Variants in LRRC37A2 observed in about 807,000 individuals in gnomAD.
LRRC37A2 encodes leucine rich repeat containing 37 member A2, also known as leucine-rich repeat-containing protein 37A2.
Under a neutral mutation model 68.8 loss-of-function variants are expected in LRRC37A2, and 9 were observed. The ratio of observed to expected loss-of-function variants is 0.13; its 90% CI spans 0.08 to 0.23. LRRC37A2 has a LOEUF of 0.23. Ranked by LOEUF, LRRC37A2 falls within the 10% of genes least tolerant of loss-of-function variation. The probability of loss-of-function intolerance (pLI) is 1.00; values close to 1 mark genes in which losing one functional copy is unlikely to be tolerated. For synonymous variants in LRRC37A2, 63 were observed against 367.6 expected (o/e 0.17, Z 9.48); for missense variants, 168 against 950.4 (o/e 0.18, Z 10.82).
chr17:46,923,023 C>T, the LRRC37A2 span: 9 of 647,578 alleles, frequency 1.4e-5, no homozygotes, highest in Non-Finnish European at 2.5e-5. Flanking sequence ...CTCATTTCTC[C>T]TTCCCCTTCT....
the LRRC37A2 span, chr17:46,773,842 C>G: frequency 6.2e-7 from 1 of 1,613,200 alleles, no homozygotes; most frequent in Non-Finnish European, 8.5e-7. Flanking sequence ...GGGACCAGGC[C>G]TGGGATGGAG....
the LRRC37A2 span, chr17:46,923,232 G>C: frequency 6.4e-7 from 1 of 1,551,142 alleles, no homozygotes; most frequent in Non-Finnish European, 8.7e-7. Flanking sequence ...GTGAGGGCCG[G>C]TCGGGGAGCG....
chr17:46,601,915 G>A, the LRRC37A2 span, among the ~76,000 whole-genome samples: 1 of 147,264 alleles, frequency 6.8e-6, no homozygotes, highest in African/African-American at 2.6e-5. Context: ...CTGGCATGGT[G>A]GCTCACACCT....
chr17:46,986,644 G>T, the LRRC37A2 span, among the ~76,000 whole-genome samples: 1 of 152,218 alleles, frequency 6.6e-6, no homozygotes, highest in Non-Finnish European at 1.5e-5. Context: ...GGGTGGGTTG[G>T]TGGTTCCCTA....
At chr17:46,672,101 A>T in the LRRC37A2 span, among the ~76,000 whole-genome samples, 1 of 73,898 alleles carries the variant, frequency 1.4e-5, no homozygotes, top group Non-Finnish European at 3.1e-5. Flanking sequence ...TGAATAGTTT[A>T]CAGTCTTATA....
chr17:46,790,965 T>C, the LRRC37A2 span, among the ~76,000 whole-genome samples: 1 of 152,228 alleles, frequency 6.6e-6, no homozygotes, highest in African/African-American at 2.4e-5. Flanking sequence ...CAGGCCTGAC[T>C]CCTCGTTTCC....
At chr17:46,610,114 T>TCC in the LRRC37A2 span, among the ~76,000 whole-genome samples, 8 of 122,972 alleles carry the variant, frequency 6.5e-5, no homozygotes, top group East Asian at 1.6e-3. Flanking sequence ...TCTCTCTCTC[T>TCC]CTCTCTCTCT....
At chr17:47,010,493 G>GT in the LRRC37A2 span, 1 of 152,330 alleles carries the variant, frequency 6.6e-6, no homozygotes. Flanking sequence ...GTCCTTCCAG[G>GT]CACAGCTGCT....
At chr17:46,836,164 A>G in the LRRC37A2 span, among the ~76,000 whole-genome samples, 1 of 142,122 alleles carries the variant, frequency 7.0e-6, no homozygotes, top group Non-Finnish European at 1.5e-5. Context: ...GGGGCAATTA[A>G]TAACACCTCA....
chr17:46,622,229 G>A, the LRRC37A2 span, among the ~76,000 whole-genome samples: 1 of 144,046 alleles, frequency 6.9e-6, no homozygotes. Flanking sequence ...AGACCGAGGT[G>A]GGTGGATCAC....
chr17:46,885,091 C>A, the LRRC37A2 span: 1 of 434,786 alleles, frequency 2.3e-6, no homozygotes, highest in Non-Finnish European at 4.7e-6. Context: ...CGGATTCAAG[C>A]GATTCTCCCG....
the LRRC37A2 span, chr17:46,917,302 C>G: frequency 6.6e-6 from 1 of 152,196 alleles, no homozygotes; most frequent in Non-Finnish European, 1.5e-5. Context: ...TTATCTTTTT[C>G]CAAACTACAA....
chr17:46,537,077 ATTTTTT>A (rs766255014), intron 6 of LRRC37A2, among the ~76,000 whole-genome samples: 85 of 34,814 alleles, frequency 2.4e-3, no homozygotes, highest in Admixed American at 5.1e-3. Context: ...ATTGTGGTCA[ATTTTTT>A]TTTTTTTTTT....
chr17:46,497,250 C>T, the LRRC37A2 span, among the ~76,000 whole-genome samples: 5 of 140,720 alleles, frequency 3.6e-5, no homozygotes, highest in African/African-American at 1.4e-4. Flanking sequence ...TAAATGTAAT[C>T]TGACAGCGTC....
At chr17:46,923,245 C>A in the LRRC37A2 span, 1 of 1,550,808 alleles carries the variant, frequency 6.4e-7, no homozygotes, top group Non-Finnish European at 8.7e-7. Flanking sequence ...GGGGAGCGGG[C>A]AGGGGCTAGA....
chr17:46,881,422 C>T, the LRRC37A2 span, among the ~76,000 whole-genome samples: 12 of 152,262 alleles, frequency 7.9e-5, no homozygotes, highest in African/African-American at 2.9e-4. Flanking sequence ...TATTTTCTCT[C>T]TTGAACCTCA....
chr17:47,042,040 G>A, the LRRC37A2 span: 2 of 86,034 alleles, frequency 2.3e-5, no homozygotes, highest in African/African-American at 3.7e-5. Context: ...AAACTCCCAT[G>A]CTGATCACTA....
At chr17:46,767,271 C>T in the LRRC37A2 span, among the ~76,000 whole-genome samples, 5 of 152,258 alleles carry the variant, frequency 3.3e-5, no homozygotes, top group South Asian at 1.0e-3. Flanking sequence ...TTACTCATCC[C>T]AGCCACTCTG....
the LRRC37A2 span, among the ~76,000 whole-genome samples, chr17:46,747,678 G>A: frequency 2.6e-5 from 4 of 152,178 alleles, no homozygotes; most frequent in African/African-American, 7.2e-5. Context: ...AAATAAGTTA[G>A]TGTAAAGGTT....
Sources: gnomAD v4.1 joint callset for allele counts (sites outside exome capture counted in the v4.1 genomes callset) on GRCh38, gnomAD v4.1.1 for gene constraint, MANE v1.5 for transcripts, NCBI Gene and HGNC (gene_info 2026-07-23, HGNC 2026-07-21) for gene names.